The following GCFC2 variants were observed in gnomAD, a reference collection of about 807,000 sequenced individuals.
GCFC2 encodes GC-rich sequence DNA-binding factor 2.
In GCFC2, 102 loss-of-function variants were observed where a neutral mutation model predicts 99.4. The observed-to-expected ratio is 1.03, with a 90% CI of 0.87 to 1.21. The LOEUF is 1.21. Among genes scored for constraint, GCFC2 ranks in the 50% most tolerant of loss-of-function variants. The pLI, the probability that GCFC2 is intolerant of heterozygous loss-of-function variation, is 0.00. For synonymous variants in GCFC2, 338 were observed against 316.8 expected, an observed-to-expected ratio of 1.07 and a Z score of -0.71; for missense variants, 973 against 920.9, an observed-to-expected ratio of 1.06 and a Z score of -0.73.
intron 2 of GCFC2, among the ~76,000 whole-genome samples, chr2:75,705,720 C>T (rs6709041): frequency 0.5 from 75,670 of 151,494 alleles, 20,413 homozygotes; most frequent in African/African-American, 0.73. Context: ...TTTGTTTCCT[C>T]TACAAAGCTA....
At chr2:75,676,627 G>A (rs771317077) in intron 12 of GCFC2, among the ~76,000 whole-genome samples, 1 of 152,078 alleles carries the variant, frequency 6.6e-6, no homozygotes, top group Non-Finnish European at 1.5e-5. Context: ...ACACATACTA[G>A]GAGAAACTCC....
intron 15 of GCFC2, among the ~76,000 whole-genome samples, chr2:75,668,344 C>G (rs1678942123): frequency 7.0e-6 from 1 of 142,114 alleles, no homozygotes; most frequent in African/African-American, 2.8e-5. Flanking sequence ...CTAAAGAAAA[C>G]AAAACAAAAC....
intron 2 of GCFC2, among the ~76,000 whole-genome samples, chr2:75,703,699 T>C (rs898206137): frequency 2.0e-5 from 3 of 152,186 alleles, no homozygotes; most frequent in East Asian, 1.9e-4. Flanking sequence ...TTCTCGACCC[T>C]GGCTACACAT....
At chr2:75,702,897 T>A (rs1293520442) in intron 2 of GCFC2, among the ~76,000 whole-genome samples, 1 of 152,146 alleles carries the variant, frequency 6.6e-6, no homozygotes, top group African/African-American at 2.4e-5. Flanking sequence ...CCTCCTTCCC[T>A]CCTACCCACA....
intron 2 of GCFC2, 101 bp from the exon 3 acceptor site, chr2:75,702,524 T>C: frequency 1.1e-6 from 1 of 891,778 alleles, no homozygotes; most frequent in South Asian, 1.8e-5. Flanking sequence ...TCCTAAATTA[T>C]TTGCTATTTT....
At chr2:75,687,426 T>C (rs1412833127) in intron 11 of GCFC2, among the ~76,000 whole-genome samples, 2 of 152,094 alleles carry the variant, frequency 1.3e-5, no homozygotes, top group Non-Finnish European at 2.9e-5. Flanking sequence ...AGAAGGTAAG[T>C]GACCTGAATC....
rs763680113 is a variant in GCFC2, at chr2:75,702,378, C to T, written c.440G>A (p.Arg147His). 2.4e-5 allele frequency: 38 copies of T among 1,612,498 alleles called. No individual in the cohort carries two copies. Among genetic ancestry groups the T allele is most frequent in the East Asian group, 1.3e-4 (6 of 44,882 alleles). The part of the protein sequence containing the change: ...AAFIQAARRK[R>H]ELARAQDDYI... ...GTCATCTTGGGCCCTGGCCAATTCACGTTTTCTGCGGGCTGCCTGAATAAA... is the reference window on the plus strand; with the variant it reads ...GTCATCTTGGGCCCTGGCCAATTCATGTTTTCTGCGGGCTGCCTGAATAAA... The change falls in exon 3 of 17, where the codon CGT (arginine) becomes CAT (histidine). Residue 147 changes from arginine (R) to histidine (H), a missense_variant. Physicochemically the swap from Arg to His is conservative, Grantham distance 29. Coordinates refer to ENST00000321027, the MANE Select transcript of GCFC2 (RefSeq NM_003203.5).
rs765992580 is a variant in GCFC2 at position 75,710,870 on chromosome 2, C to A, written c.-15G>T. ...CTGTGAGCCATGGCCGAGGCCCGAG[C>A]GCCCGGCGCCCTAGAACCCGCTGAA... On this transcript the variant is annotated 5_prime_UTR_variant, in exon 1 of 17. Transcript: ENST00000321027. 1.3e-6 allele frequency: 2 copies of A among 1,535,300 alleles called. No homozygotes were observed. The highest frequency in any genetic ancestry group is 1.4e-5 in the African/African-American group (1 of 69,886).
intron 4 of GCFC2, 135 bp downstream of exon 4, chr2:75,701,055 G>A (rs1680566420): frequency 2.0e-5 from 12 of 612,692 alleles, no homozygotes; most frequent in Non-Finnish European, 2.6e-5. Flanking sequence ...GCAAGGTGCT[G>A]CCAATACCTT....
chr2:75,690,150 T>G (rs200739098), intron 8 of GCFC2, 69 bp from the exon 9 acceptor site: 1 of 837,932 alleles, frequency 1.2e-6, no homozygotes, highest in Admixed American at 2.4e-5. Context: ...ATGCCTAAAT[T>G]TTTTTTAACC....
chr2:75,710,922 C>T, upstream of GCFC2: 2 of 1,406,102 alleles, frequency 1.4e-6, 1 homozygote, highest in South Asian at 3.1e-5. Flanking sequence ...CAGTGCCCGC[C>T]CCCTAGGGCG....
At chr2:75,702,820 GA>G (rs1197074842) in intron 2 of GCFC2, among the ~76,000 whole-genome samples, 2 of 152,176 alleles carry the variant, frequency 1.3e-5, no homozygotes, top group Non-Finnish European at 2.9e-5. Flanking sequence ...ACAGAAGTTA[GA>G]AGGATCAATG....
Position 75,689,080 on chromosome 2 carries a change from T to C in GCFC2, c.1485A>G (p.Pro495=). ...YYEAFISLCI[P]KLLNPLIRVQ... is the part of the protein sequence containing the mutation. ...CTCGTATTAGGGGATTTAAAAGCTT[T>C]GGTATGCATAAACTAATGAAAGCTT... The change falls in exon 10 of 17, where the codon CCA becomes CCG. Residue 495 remains proline, a synonymous_variant. Coordinates refer to ENST00000321027, the MANE Select transcript of GCFC2 (RefSeq NM_003203.5). 6.3e-7 allele frequency: 1 copy of C among 1,598,870 alleles called. No homozygotes were observed. Among genetic ancestry groups the C allele is most frequent in the Non-Finnish European group, 8.6e-7 (1 of 1,168,672 alleles).
intron 12 of GCFC2, 21 bp downstream of exon 12, chr2:75,680,172 C>T (rs147049808): frequency 1.9e-5 from 30 of 1,567,392 alleles, no homozygotes; most frequent in Admixed American, 6.7e-5. Context: ...TCATGGAGTT[C>T]GCAACTCTAG....
rs1558730749 is a variant in GCFC2 at position 75,670,223 on chromosome 2, C to A, written c.2018G>T (p.Gly673Val). The A allele has an allele frequency of 6.2e-7, 1 of 1,606,532 alleles. No individual in the cohort carries two copies. The highest frequency in any genetic ancestry group is 8.5e-7 in the Non-Finnish European group (1 of 1,173,282). The stretch of plus-strand genomic sequence containing the variant: ...GTAACGATTTAGCAGCTTCCCTAGT[C>A]CTAGTTCTTGCAAGGTGTCATCTGT... Reference protein sequence around the residue: ...LLTDDTLQELGLGKLLNRYLI... With the variant: ...LLTDDTLQELVLGKLLNRYLI... Residue 673 changes from glycine to valine, a missense_variant, in exon 15 of 17, where the codon GGA becomes GTA. Physicochemically the swap from Gly to Val is moderately radical, Grantham distance 109. Transcript: ENST00000321027.
chr2:75,692,146 A>AAT (rs35357470), intron 6 of GCFC2, 46 bp from the exon 7 acceptor site: 11,349 of 392,696 alleles, frequency 0.029, 166 homozygotes, highest in East Asian at 0.053. Context: ...TCGATAATGA[A>AAT]ATATATATAT....
At position 75,710,591 on chromosome 2, in the gene GCFC2, C is replaced by T; in HGVS notation, c.265G>A (p.Glu89Lys). The T allele has an allele frequency of 6.6e-7, 1 of 1,513,072 alleles. No individual in the cohort carries two copies. Among genetic ancestry groups the T allele is most frequent in the Non-Finnish European group, 8.8e-7 (1 of 1,137,760 alleles). The allele number at this position is 1,513,072 out of a possible 1,614,324, so 93.7% of individuals were successfully genotyped here. ...KAAPRADEGS[E>K]SRTLDVSTDE... ...CGCTTCCCCGCGTCTCCCTGGACAC[C>T]TGAGCCTTCGTCCGCGCGGGGAGCC... The change falls in exon 1 of 17, where the codon GAA (glutamate) becomes AAA (lysine). Residue 89 changes from glutamate to lysine, a missense_variant and splice_region_variant. By Grantham distance (56) the Glu-to-Lys change is moderately conservative. Coordinates refer to ENST00000321027, the MANE Select transcript of GCFC2 (RefSeq NM_003203.5).
At chr2:75,689,303 G>A (rs1425508189) in intron 9 of GCFC2, 78 bp from the exon 10 acceptor site, 1 of 744,588 alleles carries the variant, frequency 1.3e-6, no homozygotes, top group South Asian at 1.7e-5. Context: ...CGGTCATGAT[G>A]GACTGTAATC....
intron 15 of GCFC2, 140 bp from the exon 16 acceptor site, chr2:75,666,193 T>A: frequency 1.6e-6 from 1 of 609,684 alleles, no homozygotes; most frequent in Non-Finnish European, 2.7e-6. Context: ...TTCTAAAGAT[T>A]TCCCTTTGTG....
Sources: gnomAD v4.1 joint callset for allele counts (sites outside exome capture counted in the v4.1 genomes callset) on GRCh38, gnomAD v4.1.1 for gene constraint, MANE v1.5 for transcripts, NCBI Gene and HGNC (gene_info 2026-07-23, HGNC 2026-07-21) for gene names.